The following GPC5 variants were observed in gnomAD, a reference collection of about 807,000 sequenced individuals.
GPC5 encodes the protein glypican 5, also known as glypican-5.
Under a neutral mutation model 53.9 loss-of-function variants are expected in GPC5, and 47 were observed. The observed-to-expected ratio is 0.87, with a 90% CI of 0.69 to 1.11. GPC5 has a LOEUF of 1.11. Ranked by LOEUF, GPC5 falls within the 50% of genes most tolerant of loss-of-function variation. The probability of loss-of-function intolerance (pLI) is 0.00; values close to 1 mark genes in which losing one functional copy is unlikely to be tolerated. For missense variants in GPC5, 748 were observed against 713.1 expected (o/e 1.05, Z -0.56); for synonymous variants, 286 against 263.3 (o/e 1.09, Z -0.84).
rs534897157 is a variant in GPC5, at chr13:92,568,416, T to A, written c.1562-297866T>A. On this transcript the variant is annotated intron_variant, in intron 7 of 7. Transcript: ENST00000377067. ...AAAAGACAATTAGATTTAGTATTGC[T>A]CAGCACGGGAGAATACTTTTTATTT... 2.0e-5 allele frequency among the ~76,000 whole-genome samples: 3 copies of A among 152,316 alleles called. No homozygotes were observed. In the East Asian group the frequency reaches 5.8e-4, roughly 29 times the overall value.
chr13:92,036,196 C>T (rs2040891827), intron 6 of GPC5, among the ~76,000 whole-genome samples: 1 of 152,162 alleles, frequency 6.6e-6, no homozygotes, highest in South Asian at 2.1e-4. Flanking sequence ...ATTGCTTATA[C>T]ATCAAACAGT....
At chr13:92,275,238 A>T (rs2042867188) in intron 7 of GPC5, among the ~76,000 whole-genome samples, 1 of 152,144 alleles carries the variant, frequency 6.6e-6, no homozygotes, top group Admixed American at 6.5e-5. Flanking sequence ...TTTTCTTTAA[A>T]ATACACACAG....
At chr13:91,595,304 G>A (rs969441744) in intron 2 of GPC5, among the ~76,000 whole-genome samples, 1 of 152,002 alleles carries the variant, frequency 6.6e-6, no homozygotes, top group Non-Finnish European at 1.5e-5. Context: ...GTGAGGCACC[G>A]TGCCCGGCCC....
At chr13:91,644,312 C>T (rs2034506839) in intron 2 of GPC5, among the ~76,000 whole-genome samples, 4 of 152,154 alleles carry the variant, frequency 2.6e-5, no homozygotes, top group Admixed American at 2.6e-4. Flanking sequence ...TCCAACGTCG[C>T]ATAGACAGTA....
At chr13:92,341,709 G>C (rs34240704) in intron 7 of GPC5, among the ~76,000 whole-genome samples, 1,529 of 152,112 alleles carry the variant, frequency 0.01, 27 homozygotes, top group Middle Eastern at 0.048. Flanking sequence ...AGGGAGAATT[G>C]CTTGAGTCCA....
intron 6 of GPC5, among the ~76,000 whole-genome samples, chr13:91,957,621 C>G (rs569735922): frequency 3.3e-5 from 5 of 152,194 alleles, no homozygotes; most frequent in African/African-American, 1.2e-4. Context: ...AGAAACCTTA[C>G]AGGTCAGGAG....
chr13:91,919,435 C>T (rs1413142461), intron 6 of GPC5, among the ~76,000 whole-genome samples: 1 of 152,164 alleles, frequency 6.6e-6, no homozygotes, highest in African/African-American at 2.4e-5. Context: ...AGAAAATTAG[C>T]AGACTGTTGA....
chr13:91,985,679 T>C (rs186569062), intron 6 of GPC5, among the ~76,000 whole-genome samples: 3 of 152,308 alleles, frequency 2.0e-5, no homozygotes, highest in Non-Finnish European at 4.4e-5. Context: ...GCACTTTTAT[T>C]ACTTCCCAAA....
At chr13:91,520,050 G>A (rs944691062) in intron 2 of GPC5, among the ~76,000 whole-genome samples, 2 of 152,160 alleles carry the variant, frequency 1.3e-5, no homozygotes, top group Non-Finnish European at 2.9e-5. Flanking sequence ...GGGGATGGAT[G>A]GAGGCAAGCT....
intron 7 of GPC5, among the ~76,000 whole-genome samples, chr13:92,385,220 AC>A (rs988962715): frequency 8.6e-5 from 13 of 150,866 alleles, no homozygotes; most frequent in African/African-American, 3.2e-4. Context: ...TTATATTTCA[AC>A]TATTATGACA....
chr13:91,682,609 A>C (rs1006899336), intron 2 of GPC5, among the ~76,000 whole-genome samples: 8 of 152,214 alleles, frequency 5.3e-5, no homozygotes, highest in African/African-American at 2.4e-5. Context: ...AGATAGAAAG[A>C]TGAACAGGAG....
intron 7 of GPC5, among the ~76,000 whole-genome samples, chr13:92,400,911 C>T (rs539171805): frequency 1.5e-5 from 2 of 131,128 alleles, no homozygotes; most frequent in African/African-American, 5.6e-5. Flanking sequence ...GATATCAGTT[C>T]TTGGGATGGG....
chr13:92,077,992 TACA>T (rs2041266204), intron 6 of GPC5, among the ~76,000 whole-genome samples: 1 of 151,922 alleles, frequency 6.6e-6, no homozygotes, highest in Non-Finnish European at 1.5e-5. Context: ...TATACATACA[TACA>T]TACAGGCATA....
chr13:92,469,803 A>G (rs1047156620), intron 7 of GPC5, among the ~76,000 whole-genome samples: 2 of 152,152 alleles, frequency 1.3e-5, no homozygotes, highest in Non-Finnish European at 2.9e-5. Context: ...TAACAATAAA[A>G]GTAGGGGTTC....
At chr13:91,719,775 A>T (rs1268889275) in intron 3 of GPC5, among the ~76,000 whole-genome samples, 2 of 152,164 alleles carry the variant, frequency 1.3e-5, no homozygotes, top group African/African-American at 4.8e-5. Flanking sequence ...CTTTATTTCT[A>T]ATTCCAAAAT....
At chr13:91,964,056 G>A (rs1034955771) in intron 6 of GPC5, among the ~76,000 whole-genome samples, 4 of 152,018 alleles carry the variant, frequency 2.6e-5, no homozygotes, top group Non-Finnish European at 4.4e-5. Context: ...GGACTCTCGC[G>A]GTGTTACAGT....
At chr13:92,029,660 G>A (rs2040826403) in intron 6 of GPC5, among the ~76,000 whole-genome samples, 1 of 152,194 alleles carries the variant, frequency 6.6e-6, no homozygotes, top group South Asian at 2.1e-4. Context: ...TGCGATTAAT[G>A]TATAGGTTGA....
intron 7 of GPC5, among the ~76,000 whole-genome samples, chr13:92,487,585 G>A (rs1879601549): frequency 6.6e-6 from 1 of 152,082 alleles, no homozygotes; most frequent in African/African-American, 2.4e-5. Flanking sequence ...GCATCCCAGA[G>A]AGCAATGATT....
chr13:92,155,758 T>G (rs1284088980), intron 7 of GPC5, among the ~76,000 whole-genome samples: 1 of 135,914 alleles, frequency 7.4e-6, no homozygotes, highest in African/African-American at 2.5e-5. Flanking sequence ...ATTCTTCTAT[T>G]TTTTTGAGAT....
Sources: allele counts gnomAD v4.1 joint callset (sites outside exome capture counted in the v4.1 genomes callset), GRCh38; gene constraint gnomAD v4.1.1; transcripts MANE v1.5; gene names NCBI Gene and HGNC (gene_info 2026-07-23, HGNC 2026-07-21).